The following ZNF730 variants were observed in gnomAD, a reference collection of about 807,000 sequenced individuals.
The protein encoded by ZNF730 is zinc finger protein 730.
ZNF730 carries 12 observed loss-of-function variants against 12.6 expected under a neutral mutation model. The ratio of observed to expected loss-of-function variants is 0.95; its 90% CI spans 0.61 to 1.54. The LOEUF (loss-of-function observed/expected upper bound fraction) is 1.54, where lower values mean the gene tolerates loss of function less well. Among genes scored for constraint, ZNF730 ranks in the 40% most tolerant of loss-of-function variants. The pLI, the probability that ZNF730 is intolerant of heterozygous loss-of-function variation, is 0.00. For missense variants in ZNF730, 643 were observed against 583.5 expected (o/e 1.10, Z -1.05); for synonymous variants, 194 against 195.8 (o/e 0.99, Z 0.08).
chr19:23,089,176 T>C (rs1455583492), intron 1 of ZNF730, among the ~76,000 whole-genome samples: 5 of 152,014 alleles, frequency 3.3e-5, no homozygotes, highest in African/African-American at 9.7e-5. Flanking sequence ...TGGCTGATTA[T>C]GTGGTTTTTG....
At chr19:23,078,054 G>A (rs1413757776) in intron 1 of ZNF730, among the ~76,000 whole-genome samples, 3 of 152,268 alleles carry the variant, frequency 2.0e-5, no homozygotes, top group Admixed American at 1.3e-4. Flanking sequence ...AGGGACCTCT[G>A]CCTAGGAAAG....
At chr19:23,095,375 GT>G (rs1970231713) in intron 1 of ZNF730, 1 of 398,528 alleles carries the variant, frequency 2.5e-6, no homozygotes, top group Non-Finnish European at 4.4e-6. Context: ...ACTGGTTGAT[GT>G]AGCTCTACTG....
chr19:23,095,476 C>CA, intron 1 of ZNF730: 1 of 398,648 alleles, frequency 2.5e-6, no homozygotes, highest in Non-Finnish European at 4.4e-6. Context: ...GGCCCCTTCT[C>CA]ACAGAAGAGA....
chr19:23,118,374 T>TTG (rs893838175), intron 1 of ZNF730, among the ~76,000 whole-genome samples: 7 of 151,470 alleles, frequency 4.6e-5, no homozygotes, highest in African/African-American at 1.7e-4. Context: ...TTGTTTTTTT[T>TTG]TTTTGTTTTT....
intron 1 of ZNF730, among the ~76,000 whole-genome samples, chr19:23,118,495 A>G (rs909120780): frequency 3.3e-5 from 5 of 151,448 alleles, no homozygotes; most frequent in South Asian, 2.1e-4. Context: ...TATGTCTGCT[A>G]GAGTGTTTGA....
At chr19:23,097,055 C>T (rs1257786448) in intron 1 of ZNF730, among the ~76,000 whole-genome samples, 2 of 152,154 alleles carry the variant, frequency 1.3e-5, no homozygotes, top group Non-Finnish European at 2.9e-5. Context: ...CTCCCTGGGC[C>T]CAGCACATAG....
chr19:23,078,209 T>C (rs960128206), intron 1 of ZNF730, among the ~76,000 whole-genome samples: 1 of 152,076 alleles, frequency 6.6e-6, no homozygotes, highest in African/African-American at 2.4e-5. Flanking sequence ...CTCTTTGCAG[T>C]TGAGATAAGA....
At chr19:23,079,049 G>T (rs1180897207) in intron 1 of ZNF730, among the ~76,000 whole-genome samples, 1 of 152,040 alleles carries the variant, frequency 6.6e-6, no homozygotes, top group Non-Finnish European at 1.5e-5. Flanking sequence ...CAGGTGATCT[G>T]CCCTCCTCAG....
chr19:23,082,963 T>G (rs1166299086), intron 1 of ZNF730, among the ~76,000 whole-genome samples: 1 of 152,194 alleles, frequency 6.6e-6, no homozygotes, highest in African/African-American at 2.4e-5. Flanking sequence ...GCTTCGAAAG[T>G]GCTGGGATTA....
intron 3 of ZNF730, among the ~76,000 whole-genome samples, chr19:23,143,317 CTTA>C (rs1426802141): frequency 1.3e-5 from 2 of 151,462 alleles, no homozygotes; most frequent in African/African-American, 4.8e-5. Flanking sequence ...AAAATTCTTC[CTTA>C]TTACATCTGC....
At chr19:23,117,875 T>C (rs1235432035) in intron 1 of ZNF730, among the ~76,000 whole-genome samples, 1 of 152,104 alleles carries the variant, frequency 6.6e-6, no homozygotes, top group Non-Finnish European at 1.5e-5. Context: ...AAAATACATT[T>C]GAGTTACATT....
chr19:23,082,417 G>C (rs1056559223), intron 1 of ZNF730, among the ~76,000 whole-genome samples: 2 of 151,708 alleles, frequency 1.3e-5, no homozygotes, highest in Non-Finnish European at 2.9e-5. Flanking sequence ...TACGATCTTG[G>C]CTCACTGCAA....
In ZNF730 at chr19:23,146,471, G is replaced by T. The variant is rs778714089; in HGVS notation, c.1427G>T (p.Gly476Val). The part of the protein sequence containing the change: ...TLTTHKIIHS[G>V]EKIYKCKECG... ...ACTACACATAAGATAATTCATTCTG[G>T]GGAAAAAATCTACAAATGTAAAGAA... Residue 476 changes from glycine (G) to valine (V), a missense_variant, in exon 4 of 4, where the codon GGG becomes GTG. Transcript: ENST00000597761. 1 of 1,607,860 alleles carries T rather than the reference G, an allele frequency of 6.2e-7. No individual in the cohort carries two copies. The highest frequency in any genetic ancestry group is 1.1e-5 in the South Asian group (1 of 90,488).
At chr19:23,087,614 C>T (rs1172171630) in intron 1 of ZNF730, among the ~76,000 whole-genome samples, 23 of 145,490 alleles carry the variant, frequency 1.6e-4, no homozygotes, top group Middle Eastern at 3.7e-3. Flanking sequence ...CTTGTCTTTT[C>T]TTGCTTTTTT....
intron 1 of ZNF730, chr19:23,075,481 C>A (rs1200047466): frequency 1.3e-5 from 2 of 152,366 alleles, no homozygotes; most frequent in East Asian, 3.9e-4. Context: ...GGTCCGCCGA[C>A]CTCAGTCCTC....
At chr19:23,090,526 G>C (rs1252382048) in intron 1 of ZNF730, among the ~76,000 whole-genome samples, 1 of 152,154 alleles carries the variant, frequency 6.6e-6, no homozygotes, top group Non-Finnish European at 1.5e-5. Flanking sequence ...GCAGCCTGAT[G>C]ATGCAATAGA....
chr19:23,083,348 G>A (rs1041052976), intron 1 of ZNF730, among the ~76,000 whole-genome samples: 3 of 152,116 alleles, frequency 2.0e-5, no homozygotes, highest in Admixed American at 1.3e-4. Flanking sequence ...CGCTTGAACC[G>A]GGGAGGGGGA....
upstream of ZNF730, among the ~76,000 whole-genome samples, chr19:23,112,985 T>C (rs909172524): frequency 6.6e-6 from 1 of 152,234 alleles, no homozygotes; most frequent in Admixed American, 6.5e-5. Flanking sequence ...TCCCCTATCA[T>C]AGGGCTTTAT....
intron 1 of ZNF730, among the ~76,000 whole-genome samples, chr19:23,102,510 T>G: frequency 6.6e-6 from 1 of 151,802 alleles, no homozygotes; most frequent in East Asian, 1.9e-4. Context: ...ATTTTTTTTA[T>G]TTTTGGAGAT....
Sources: allele counts gnomAD v4.1 joint callset (sites outside exome capture counted in the v4.1 genomes callset), GRCh38; gene constraint gnomAD v4.1.1; transcripts MANE v1.5; gene names NCBI Gene and HGNC (gene_info 2026-07-23, HGNC 2026-07-21).